The following DHRS13 variants were observed in gnomAD, a reference collection of about 807,000 sequenced individuals.
DHRS13 encodes the protein dehydrogenase/reductase SDR family member 13.
A neutral mutation model predicts 17.9 loss-of-function variants in DHRS13; 22 were observed. The ratio of observed to expected loss-of-function variants is 1.23; its 90% CI spans 0.88 to 1.75. The LOEUF is 1.75. Ranked by LOEUF, DHRS13 falls within the 40% of genes most tolerant of loss-of-function variation. DHRS13 has a pLI of 0.00. For missense variants in DHRS13, 483 were observed against 519.9 expected (o/e 0.93, Z 0.69); for synonymous variants, 206 against 220.4 (o/e 0.93, Z 0.58).
chr17:28,902,578 C>T lies in DHRS13; in HGVS notation c.246+5G>A, dbSNP rs1368384341. ...ACCGTCCCACGCGCCCCCGCTGCCTCTCACCTGGCGGAGGTCGAAGGCAGC... is the reference window on the plus strand; with the variant it reads ...ACCGTCCCACGCGCCCCCGCTGCCTTTCACCTGGCGGAGGTCGAAGGCAGC... On this transcript the variant is annotated splice_donor_5th_base_variant and intron_variant, in intron 2 of 4. Coordinates refer to ENST00000378895, the MANE Select transcript of DHRS13 (RefSeq NM_144683.4). This position sits in a 1 kb window ranked among gnomAD's most constrained non-coding sequence, Gnocchi z 4.0. 6.8e-6 allele frequency: 10 copies of T among 1,480,108 alleles called. No individual in the cohort carries two copies. Among genetic ancestry groups the T allele is most frequent in the South Asian group, 6.4e-5 (5 of 78,230 alleles). 91.7% of individuals were successfully genotyped at this position (1,480,108 alleles called of 1,614,324 possible). A position where few individuals can be genotyped will look rare whatever the true frequency, so the allele number is the denominator to read the frequency against.
At chr17:28,900,524 A>G (rs930652948) in intron 4 of DHRS13, among the ~76,000 whole-genome samples, 2 of 152,088 alleles carry the variant, frequency 1.3e-5, no homozygotes, top group African/African-American at 4.8e-5. Flanking sequence ...CTCATCGTAT[A>G]TATTTATTGG....
At position 28,898,111 on chromosome 17, in the gene DHRS13, G is replaced by A. The variant is rs1241351173; in HGVS notation, c.*330C>T. ...TTCACTAATTCTCAATGTTGGCAGT[G>A]CATCACATTGCAAACTCCCTGCCTC... On this transcript the variant is annotated 3_prime_UTR_variant, in exon 5 of 5. Transcript: ENST00000378895. 1.5e-5 allele frequency: 5 copies of A among 343,096 alleles called. No individual in the cohort carries two copies. Among genetic ancestry groups the A allele is most frequent in the Non-Finnish European group, 1.1e-5 (2 of 187,254 alleles). 21.3% of individuals were successfully genotyped at this position (343,096 alleles called of 1,614,324 possible).
chr17:28,898,317 G>T lies in DHRS13; in HGVS notation c.*124C>A. 8.7e-7 allele frequency: 1 copy of T among 1,148,076 alleles called. No homozygotes were observed. Among genetic ancestry groups the T allele is most frequent in the Non-Finnish European group, 1.2e-6 (1 of 816,326 alleles). 71.1% of individuals were successfully genotyped at this position (1,148,076 alleles called of 1,614,324 possible). A position where few individuals can be genotyped will look rare whatever the true frequency, so the allele number is the denominator to read the frequency against. ...AAAGAGATGTCCAGGGCACAGCTTGGGGCCCCAGAAAGTAACCACGGAGGT... is the reference window on the plus strand; with the variant it reads ...AAAGAGATGTCCAGGGCACAGCTTGTGGCCCCAGAAAGTAACCACGGAGGT... On this transcript the variant is annotated 3_prime_UTR_variant, in exon 5 of 5. Transcript: ENST00000378895.
Position 28,902,947 on chromosome 17 carries a change from C to G in DHRS13, c.-3G>C, listed in dbSNP as rs763595162. The G allele has an allele frequency of 3.3e-6, 5 of 1,524,402 alleles. No individual in the cohort carries two copies. Among genetic ancestry groups the G allele is most frequent in the South Asian group, 1.2e-5 (1 of 84,408 alleles). The allele number at this position is 1,524,402 out of a possible 1,614,324, so 94.4% of individuals were successfully genotyped here. ...GCGCCCAGCAGCAGCGCCTCCATGC[C>G]GGCCGCGCCTCCCGGCTCCCGCCCA... is the stretch of plus-strand genomic sequence containing the variant. On this transcript the variant is annotated 5_prime_UTR_variant, in exon 1 of 5. Transcript: ENST00000378895. This position sits in a 1 kb window ranked among gnomAD's most constrained non-coding sequence, Gnocchi z 4.0.
At chr17:28,900,868 G>A (rs570341560) in intron 4 of DHRS13, 122 bp downstream of exon 4, 5 of 1,122,528 alleles carry the variant, frequency 4.5e-6, no homozygotes, top group Non-Finnish European at 6.3e-6. Context: ...ATGCTTCCTT[G>A]CTGCCCTGAG....
At position 28,902,804 on chromosome 17, in the gene DHRS13, G is replaced by C; in HGVS notation, c.127+14C>G. The C allele has an allele frequency of 3.3e-6, 5 of 1,514,730 alleles. No homozygotes were observed. Among genetic ancestry groups the C allele is most frequent in the Non-Finnish European group, 3.5e-6 (4 of 1,139,810 alleles). The allele number at this position is 1,514,730 out of a possible 1,614,324, so 93.8% of individuals were successfully genotyped here. A position where few individuals can be genotyped will look rare whatever the true frequency, so the allele number is the denominator to read the frequency against. ...GCGCCCCGCCAGCTCGCACTCACCC[G>C]CCTCCGCACTCACCCGTGACCACGG... On this transcript the variant is annotated intron_variant, in intron 1 of 4. Coordinates refer to ENST00000378895, the MANE Select transcript of DHRS13 (RefSeq NM_144683.4). The surrounding 1 kb of genome is among the most constrained non-coding windows in gnomAD (Gnocchi z 4.0).
In DHRS13 at chr17:28,902,737, C is replaced by G; in HGVS notation, c.128-36G>C. 1 of 1,372,338 alleles carries G rather than the reference C, an allele frequency of 7.3e-7. No homozygotes were observed. Among genetic ancestry groups the G allele is most frequent in the Non-Finnish European group, 9.3e-7 (1 of 1,073,578 alleles). The allele number at this position is 1,372,338 out of a possible 1,614,324, so 85.0% of individuals were successfully genotyped here. A position where few individuals can be genotyped will look rare whatever the true frequency, so the allele number is the denominator to read the frequency against. On this transcript the variant is annotated intron_variant, in intron 1 of 4. Coordinates refer to ENST00000378895, the MANE Select transcript of DHRS13 (RefSeq NM_144683.4). This position sits in a 1 kb window ranked among gnomAD's most constrained non-coding sequence, Gnocchi z 4.0. ...CGGGCGGGAGCCGAGCTGAGCTGAG[C>G]CCGGCGGGCCGCTGCTACCGCCGGC...
Position 28,902,807 on chromosome 17 carries a change from TC to T in DHRS13, c.127+10del. ...CCCCGCCAGCTCGCACTCACCCGCC[TC>T]CGCACTCACCCGTGACCACGGCCGT... On this transcript the variant is annotated intron_variant, in intron 1 of 4. Coordinates refer to ENST00000378895, the MANE Select transcript of DHRS13 (RefSeq NM_144683.4). The surrounding 1 kb of genome is among the most constrained non-coding windows in gnomAD (Gnocchi z 4.0). 5 of 1,528,424 alleles carry T rather than the reference TC, an allele frequency of 3.3e-6. No homozygotes were observed. The highest frequency in any genetic ancestry group is 3.5e-6 in the Non-Finnish European group (4 of 1,146,892). 94.7% of individuals were successfully genotyped at this position (1,528,424 alleles called of 1,614,324 possible).
In DHRS13 at chr17:28,900,970, G is replaced by A. The variant is rs911381547; in HGVS notation, c.682+20C>T. On this transcript the variant is annotated intron_variant, in intron 4 of 4. Coordinates refer to ENST00000378895, the MANE Select transcript of DHRS13 (RefSeq NM_144683.4). ...CAAGGAAAGGAGAGGGGAATCGGAA[G>A]CCAAAGAACCAGACCTCACCTGGGT... The A allele has an allele frequency of 5.1e-6, 8 of 1,560,402 alleles. No individual in the cohort carries two copies. Among genetic ancestry groups the A allele is most frequent in the Non-Finnish European group, 7.0e-6 (8 of 1,148,820 alleles).
In DHRS13 at chr17:28,899,904, C is replaced by CT. The variant is rs1053784138; in HGVS notation, c.683-1013dup. Among the ~76,000 whole-genome samples, 14 of 148,218 alleles carry CT rather than the reference C, an allele frequency of 9.4e-5. No individual in the cohort carries two copies. Among genetic ancestry groups the CT allele is most frequent in the South Asian group, 2.2e-4 (1 of 4,620 alleles). On this transcript the variant is annotated intron_variant, in intron 4 of 4. Coordinates refer to ENST00000378895, the MANE Select transcript of DHRS13 (RefSeq NM_144683.4). The surrounding 1 kb of genome is among the most constrained non-coding windows in gnomAD (Gnocchi z 4.7). The stretch of plus-strand genomic sequence containing the variant: ...TGTATTTGTAGTAGAGACAGGTTTT[C>CT]TTTTTTTTTTCTTTTTTCTTTTTTT...
In DHRS13 at chr17:28,899,033, C is replaced by T; in HGVS notation, c.683-141G>A. On this transcript the variant is annotated intron_variant, in intron 4 of 4. Coordinates refer to ENST00000378895, the MANE Select transcript of DHRS13 (RefSeq NM_144683.4). The surrounding 1 kb of genome is among the most constrained non-coding windows in gnomAD (Gnocchi z 4.7). Reference sequence around the variant, plus strand: ...ACTGGGCAACATAGTCAAGCTCTGTCTCTTTAAAAAAAAAAACAACAACAA... The same window carrying T: ...ACTGGGCAACATAGTCAAGCTCTGTTTCTTTAAAAAAAAAAACAACAACAA... 1.5e-6 allele frequency: 1 copy of T among 679,396 alleles called. No individual in the cohort carries two copies. The allele number at this position is 679,396 out of a possible 1,614,324, so 42.1% of individuals were successfully genotyped here.
chr17:28,901,560 C>A lies in DHRS13; in HGVS notation c.303G>T (p.Ser101=). 2 of 1,614,228 alleles carry A rather than the reference C, an allele frequency of 1.2e-6. No homozygotes were observed. Among genetic ancestry groups the A allele is most frequent in the East Asian group, 2.2e-5 (1 of 44,892 alleles). Residue 101 remains serine (S), a synonymous_variant, in exon 3 of 5, where the codon TCG becomes TCT. Coordinates refer to ENST00000378895, the MANE Select transcript of DHRS13 (RefSeq NM_144683.4). This position sits in a 1 kb window ranked among gnomAD's most constrained non-coding sequence, Gnocchi z 4.3. ...FMALDLASLA[S]VRAFATAFLS... is the part of the protein sequence containing the mutation. ...GAAAGGCAGTGGCAAAGGCCCGCAC[C>A]GAGGCCAGACTGGCCAAGTCCAAGG...
rs772314440 is a variant in DHRS13, at chr17:28,902,918, C to T, written c.27G>A (p.Gly9=). The T allele has an allele frequency of 5.2e-6, 8 of 1,549,330 alleles. No homozygotes were observed. The highest frequency in any genetic ancestry group is 6.9e-6 in the Non-Finnish European group (8 of 1,155,854). Residue 9 remains glycine (G), a synonymous_variant, in exon 1 of 5, where the codon GGG becomes GGA. Transcript: ENST00000378895. The surrounding 1 kb of genome is among the most constrained non-coding windows in gnomAD (Gnocchi z 4.0). The part of the protein sequence containing the change: MEALLLGA[G]LLLGAYVLVY... The stretch of plus-strand genomic sequence containing the variant: ...CAAGCACGTAAGCGCCCAGCAGCAA[C>T]CCCGCGCCCAGCAGCAGCGCCTCCA...
Position 28,898,387 on chromosome 17 carries a change from A to T in DHRS13, c.*54T>A. On this transcript the variant is annotated 3_prime_UTR_variant, in exon 5 of 5. Coordinates refer to ENST00000378895, the MANE Select transcript of DHRS13 (RefSeq NM_144683.4). Reference sequence around the variant, plus strand: ...GTGTCCAGGGCATGGCCTCGCACACATCCGAGGTTTTCAAGGACCATGAAG... The same window carrying T: ...GTGTCCAGGGCATGGCCTCGCACACTTCCGAGGTTTTCAAGGACCATGAAG... The T allele has an allele frequency of 2.0e-6, 3 of 1,526,056 alleles. No individual in the cohort carries two copies. The highest frequency in any genetic ancestry group is 2.6e-6 in the Non-Finnish European group (3 of 1,133,714). 94.5% of individuals were successfully genotyped at this position (1,526,056 alleles called of 1,614,324 possible).
rs561447167 is a variant in DHRS13, at chr17:28,902,924, G to A, written c.21C>T (p.Gly7=). The A allele has an allele frequency of 1.3e-6, 2 of 1,547,684 alleles. No individual in the cohort carries two copies. The highest frequency in any genetic ancestry group is 1.8e-5 in the Admixed American group (1 of 55,200). The change falls in exon 1 of 5, where the codon GGC becomes GGT. Residue 7 remains glycine (G), a synonymous_variant. Coordinates refer to ENST00000378895, the MANE Select transcript of DHRS13 (RefSeq NM_144683.4). This position sits in a 1 kb window ranked among gnomAD's most constrained non-coding sequence, Gnocchi z 4.0. MEALLL[G]AGLLLGAYVL... ...CGTAAGCGCCCAGCAGCAACCCCGC[G>A]CCCAGCAGCAGCGCCTCCATGCCGG...
Position 28,901,652 on chromosome 17 carries a change from ATCTC to A in DHRS13, c.247-40_247-37del, listed in dbSNP as rs2039806994. On this transcript the variant is annotated intron_variant, in intron 2 of 4. Transcript: ENST00000378895. This position sits in a 1 kb window ranked among gnomAD's most constrained non-coding sequence, Gnocchi z 4.3. ...GCAAGGGCTGGGCTTGTCACCAGGC[ATCTC>A]TCTCCTCTTCCCTCTCCCCAGGCAC... 6.2e-7 allele frequency: 1 copy of A among 1,610,614 alleles called. No homozygotes were observed. Among genetic ancestry groups the A allele is most frequent in the African/African-American group, 1.3e-5 (1 of 74,984 alleles).
Position 28,898,346 on chromosome 17 carries a change from G to A in DHRS13, c.*95C>T. The A allele has an allele frequency of 7.0e-7, 1 of 1,420,224 alleles. No individual in the cohort carries two copies. Among genetic ancestry groups the A allele is most frequent in the Non-Finnish European group, 9.5e-7 (1 of 1,056,180 alleles). The allele number at this position is 1,420,224 out of a possible 1,614,324, so 88.0% of individuals were successfully genotyped here. A position where few individuals can be genotyped will look rare whatever the true frequency, so the allele number is the denominator to read the frequency against. ...CCCAGAAAGTAACCACGGAGGTCAA[G>A]ATCACAAACCCGTCAGTGTCCAGGG... is the stretch of plus-strand genomic sequence containing the variant. On this transcript the variant is annotated 3_prime_UTR_variant, in exon 5 of 5. Transcript: ENST00000378895.
rs566001646 is a variant in DHRS13 at position 28,900,767 on chromosome 17, C to T, written c.682+223G>A. 7.9e-5 allele frequency among the ~76,000 whole-genome samples: 12 copies of T among 152,290 alleles called. No individual in the cohort carries two copies. In the East Asian group the frequency reaches 2.1e-3, roughly 27 times the overall value. ...ATTCATGGCCATATACCCCCCAGGG[C>T]TGAGGACCCAGGCTTGTGGTGTGAG... is the stretch of plus-strand genomic sequence containing the variant. On this transcript the variant is annotated intron_variant, in intron 4 of 4. Transcript: ENST00000378895.
At chr17:28,898,927 G>A in intron 4 of DHRS13, 35 bp from the exon 5 acceptor site, 1 of 1,527,596 alleles carries the variant, frequency 6.5e-7, no homozygotes, top group Non-Finnish European at 8.8e-7. Context: ...GTCGGGCTAG[G>A]CACAGTGGTG....
Sources: gnomAD v4.1 joint callset for allele counts (sites outside exome capture counted in the v4.1 genomes callset) on GRCh38, gnomAD v4.1.1 for gene constraint, Gnocchi (gnomAD v3.1) non-coding constraint, MANE v1.5 for transcripts, NCBI Gene and HGNC (gene_info 2026-07-23, HGNC 2026-07-21) for gene names.